Variants in UGT3A1 observed in about 807,000 individuals in gnomAD.
UGT3A1 encodes UDP-glycosyltransferase 3A1.
UGT3A1 carries 40 observed loss-of-function variants against 37.6 expected under a neutral mutation model. The observed-to-expected ratio is 1.06, with a 90% CI of 0.83 to 1.38. UGT3A1 has a LOEUF of 1.38. Ranked by LOEUF, UGT3A1 falls within the 40% of genes most tolerant of loss-of-function variation. UGT3A1 has a pLI of 0.00. For missense variants in UGT3A1, 642 were observed against 634.2 expected, an observed-to-expected ratio of 1.01 and a Z score of -0.13; for synonymous variants, 256 against 232.3, an observed-to-expected ratio of 1.10 and a Z score of -0.93.
upstream of UGT3A1, among the ~76,000 whole-genome samples, chr5:35,993,210 A>T (rs996160278): frequency 6.6e-6 from 1 of 152,166 alleles, no homozygotes; most frequent in African/African-American, 2.4e-5. Context: ...TCACGCCTGT[A>T]ATCCCAGCAC....
At chr5:35,993,462 C>CA (rs34676179), upstream of UGT3A1, among the ~76,000 whole-genome samples, 39,019 of 139,334 alleles carry the variant, frequency 0.28, 5,276 homozygotes, top group East Asian at 0.46. Context: ...GACTCCGTCT[C>CA]AAAAAAAAAA....
Position 35,978,039 on chromosome 5 carries a change from CT to C in UGT3A1, c.197-9907del, listed in dbSNP as rs575374067. ...AATTGTACATATGTTTCAATTTTTA[CT>C]TTTTTTCTATTTGAGACAGAGTCTC... is the stretch of plus-strand genomic sequence containing the variant. On this transcript the variant is annotated intron_variant, in intron 2 of 6. Coordinates refer to ENST00000274278, the MANE Select transcript of UGT3A1 (RefSeq NM_152404.4). Among the ~76,000 whole-genome samples the C allele has an allele frequency of 3.4e-3, 520 of 152,236 alleles. 1 individual carries two copies. The highest frequency in any genetic ancestry group is 0.01 in the Admixed American group (156 of 15,286).
intron 4 of UGT3A1, chr5:35,962,924 G>C: frequency 1.4e-6 from 1 of 702,944 alleles, no homozygotes; most frequent in South Asian, 1.5e-5. Context: ...AATAAGCTGG[G>C]GGTGGTGAAG....
chr5:35,990,105 A>AAAG (rs1554075019), intron 1 of UGT3A1, among the ~76,000 whole-genome samples: 5 of 150,542 alleles, frequency 3.3e-5, no homozygotes, highest in South Asian at 2.1e-4. Context: ...AAAAAAAAAA[A>AAAG]AAAGAAAGAA....
chr5:35,964,351 G>A (rs1026871247), intron 4 of UGT3A1, among the ~76,000 whole-genome samples: 1 of 152,074 alleles, frequency 6.6e-6, no homozygotes, highest in African/African-American at 2.4e-5. Context: ...GTCACCCAGA[G>A]AACCCAGTGC....
chr5:35,965,360 A>C, intron 4 of UGT3A1, 26 bp downstream of exon 4: 1 of 1,605,078 alleles, frequency 6.2e-7, no homozygotes, highest in Non-Finnish European at 8.5e-7. Context: ...TGTGAATCCC[A>C]AACTGAATGC....
At chr5:35,967,423 TGTA>T (rs1274901102) in intron 3 of UGT3A1, among the ~76,000 whole-genome samples, 1 of 152,224 alleles carries the variant, frequency 6.6e-6, no homozygotes, top group Non-Finnish European at 1.5e-5. Flanking sequence ...GGAGATTCTT[TGTA>T]TTCCAGGTGA....
intron 4 of UGT3A1, chr5:35,961,140 T>A (rs1262964332): frequency 1.3e-5 from 2 of 152,304 alleles, no homozygotes; most frequent in East Asian, 3.9e-4. Context: ...GGAACTGCCC[T>A]CTTCTACCCA....
rs1293723078 is a variant in UGT3A1 at position 35,968,021 on chromosome 5, G to T, written c.309C>A (p.Gly103=). 6.2e-7 allele frequency: 1 copy of T among 1,608,456 alleles called. No homozygotes were observed. The highest frequency in any genetic ancestry group is 8.5e-7 in the Non-Finnish European group (1 of 1,177,212). ...TTCATAGAATGAAAAGAAGTTACCT[G>T]CCATCCAATGCTGTTTCTATGTAGC... is the stretch of plus-strand genomic sequence containing the variant. ...FDSYIETALD[G]RKESEALVKL... Residue 103 remains glycine, a splice_region_variant and synonymous_variant, in exon 3 of 7, where the codon GGC becomes GGA. Coordinates refer to ENST00000274278, the MANE Select transcript of UGT3A1 (RefSeq NM_152404.4).
chr5:35,957,078 T>C lies in UGT3A1; in HGVS notation c.1075+110A>G, dbSNP rs559679701. 116 of 819,550 alleles carry C rather than the reference T, an allele frequency of 1.4e-4. 2 individuals carry two copies. The South Asian group carries it at 2.0e-3, about 14-fold the overall frequency. The allele number at this position is 819,550 out of a possible 1,614,324, so 50.8% of individuals were successfully genotyped here. A position where few individuals can be genotyped will look rare whatever the true frequency, so the allele number is the denominator to read the frequency against. ...GTCCTCTGAGCATTACCTTTACCTA[T>C]GAGTAGCTACTACGTAGGCTGATAC... On this transcript the variant is annotated intron_variant, in intron 5 of 6. Transcript: ENST00000274278.
chr5:35,987,497 C>T (rs1740773516), intron 2 of UGT3A1, among the ~76,000 whole-genome samples: 2 of 151,908 alleles, frequency 1.3e-5, no homozygotes, highest in African/African-American at 2.4e-5. Context: ...ATTGGAACCA[C>T]CAAAATAAGA....
chr5:35,986,526 A>G (rs1405255919), intron 2 of UGT3A1, among the ~76,000 whole-genome samples: 1 of 152,148 alleles, frequency 6.6e-6, no homozygotes, highest in East Asian at 1.9e-4. Flanking sequence ...TTACAGCAAT[A>G]TGTATTGAAT....
At chr5:35,996,033 A>AAG (rs1326119341), upstream of UGT3A1, among the ~76,000 whole-genome samples, 1 of 151,902 alleles carries the variant, frequency 6.6e-6, no homozygotes, top group South Asian at 2.1e-4. Context: ...AAAAAAAAAA[A>AAG]AAAAAGGAGA....
In UGT3A1 at chr5:35,952,511, A is replaced by T. The variant is rs1270083325; in HGVS notation, c.*1691T>A. On this transcript the variant is annotated 3_prime_UTR_variant, in exon 7 of 7. Coordinates refer to ENST00000274278, the MANE Select transcript of UGT3A1 (RefSeq NM_152404.4). ...GATCAGATTTTAGGGATGCAAGTTT[A>T]TACAAGTGGCATAAAGTTGACCTCA... is the stretch of plus-strand genomic sequence containing the variant. The T allele has an allele frequency of 6.6e-6, 1 of 152,234 alleles. No homozygotes were observed. Among genetic ancestry groups the T allele is most frequent in the East Asian group, 1.9e-4 (1 of 5,196 alleles). 9.4% of individuals were successfully genotyped at this position (152,234 alleles called of 1,614,324 possible).
chr5:35,990,425 T>C (rs1362187968), intron 1 of UGT3A1, among the ~76,000 whole-genome samples: 1 of 152,050 alleles, frequency 6.6e-6, no homozygotes, highest in Non-Finnish European at 1.5e-5. Flanking sequence ...TATATAATTC[T>C]CTTTCATCTT....
At chr5:35,989,397 GA>G (rs1042153278) in intron 1 of UGT3A1, among the ~76,000 whole-genome samples, 1 of 152,192 alleles carries the variant, frequency 6.6e-6, no homozygotes, top group Admixed American at 6.5e-5. Context: ...CTCAGCAGCA[GA>G]AAAAGAAAGA....
intron 1 of UGT3A1, among the ~76,000 whole-genome samples, chr5:35,988,888 T>C (rs1205535646): frequency 6.6e-6 from 1 of 152,196 alleles, no homozygotes; most frequent in Non-Finnish European, 1.5e-5. Flanking sequence ...GTGCTGCATG[T>C]TACTTGGGGC....
chr5:35,988,681 G>A (rs186858863), intron 1 of UGT3A1, 130 bp from the exon 2 acceptor site: 3 of 676,326 alleles, frequency 4.4e-6, no homozygotes, highest in Non-Finnish European at 7.4e-6. Context: ...ACAGTGAGAA[G>A]ATGGAGATAA....
At chr5:35,957,544 G>T in intron 4 of UGT3A1, 125 bp from the exon 5 acceptor site, 1 of 764,330 alleles carries the variant, frequency 1.3e-6, no homozygotes. Flanking sequence ...CTCTCCCGAA[G>T]CTATTATTAT....
Sources: gnomAD v4.1 joint callset for allele counts (sites outside exome capture counted in the v4.1 genomes callset) on GRCh38, gnomAD v4.1.1 for gene constraint, MANE v1.5 for transcripts, NCBI Gene and HGNC (gene_info 2026-07-23, HGNC 2026-07-21) for gene names.